The following PAX2 variants were observed in gnomAD, a reference collection of about 807,000 sequenced individuals.
The protein encoded by PAX2 is paired box protein Pax-2.
In PAX2, 9 loss-of-function variants were observed where a neutral mutation model predicts 41.7. The ratio of observed to expected loss-of-function variants is 0.22; its 90% CI spans 0.13 to 0.38. The LOEUF is 0.38. Among genes scored for constraint, PAX2 ranks in the 10% least tolerant of loss-of-function variants. The pLI is 1.00. For synonymous variants in PAX2, 221 were observed against 212.7 expected (o/e 1.04, Z -0.34); for missense variants, 418 against 531.6 (o/e 0.79, Z 2.10).
chr10:100,818,270 A>G (rs1848255456), intron 7 of PAX2, among the ~76,000 whole-genome samples: 1 of 152,216 alleles, frequency 6.6e-6, no homozygotes, highest in South Asian at 2.1e-4. Context: ...TCTATGTCTA[A>G]TAAGTCTCAT....
chr10:100,807,490 C>A (rs923063384), intron 6 of PAX2, among the ~76,000 whole-genome samples: 51 of 151,496 alleles, frequency 3.4e-4, no homozygotes, highest in Non-Finnish European at 6.2e-4. Context: ...CACTGTCCAC[C>A]TGCTCCCCCG....
At chr10:100,757,700 T>C (rs529450643) in intron 3 of PAX2, among the ~76,000 whole-genome samples, 2 of 152,306 alleles carry the variant, frequency 1.3e-5, no homozygotes, top group Admixed American at 1.3e-4. Flanking sequence ...AAGTCTTTCC[T>C]CAATCATCCA....
At chr10:100,777,008 G>A (rs2133888833) in intron 3 of PAX2, among the ~76,000 whole-genome samples, 1 of 151,962 alleles carries the variant, frequency 6.6e-6, no homozygotes, top group African/African-American at 2.4e-5. Context: ...TCTAAACCTG[G>A]TTCCTACATG....
intron 7 of PAX2, among the ~76,000 whole-genome samples, chr10:100,820,474 T>A (rs1342219315): frequency 6.6e-6 from 1 of 152,194 alleles, no homozygotes; most frequent in African/African-American, 2.4e-5. Context: ...ATCCCAGCAC[T>A]TTTGGAGGCC....
At chr10:100,739,468 C>T (rs1844879425) in intron 1 of PAX2, among the ~76,000 whole-genome samples, 2 of 152,160 alleles carry the variant, frequency 1.3e-5, no homozygotes, top group South Asian at 2.1e-4. Flanking sequence ...GGATCCGAGA[C>T]GGTAGATTTG....
chr10:100,759,257 G>A (rs914736146), intron 3 of PAX2, among the ~76,000 whole-genome samples: 8 of 152,206 alleles, frequency 5.3e-5, no homozygotes, highest in African/African-American at 1.7e-4. Flanking sequence ...AAGGAGAAAG[G>A]GGAAGAGGAA....
chr10:100,778,205 C>G (rs1035164277), intron 3 of PAX2, among the ~76,000 whole-genome samples: 1 of 152,224 alleles, frequency 6.6e-6, no homozygotes, highest in South Asian at 2.1e-4. Context: ...GGGCCCCTGC[C>G]ATGCAGCCCA....
intron 3 of PAX2, among the ~76,000 whole-genome samples, chr10:100,751,621 G>C (rs1441316392): frequency 1.3e-5 from 2 of 152,202 alleles, no homozygotes; most frequent in African/African-American, 4.8e-5. Flanking sequence ...GCACAGGGCT[G>C]AGTCAGCTTG....
In PAX2 at chr10:100,753,325, G is replaced by A. The variant is rs561194461; in HGVS notation, c.410+2434G>A. On this transcript the variant is annotated intron_variant, in intron 3 of 9. Transcript: ENST00000355243. ...GAGTTGGGGCTGGAGAAATCCACCT[G>A]GGGAACCACGCTCTCATCTTCATCC... Among the ~76,000 whole-genome samples the A allele has an allele frequency of 1.3e-3, 200 of 152,298 alleles. 1 individual carries two copies. Among genetic ancestry groups the A allele is most frequent in the African/African-American group, 4.7e-3 (195 of 41,554 alleles).
rs1272832931 is a variant in PAX2, at chr10:100,791,342, GTGTGTGTGCATGTGTA to G, written c.616+9985_616+10000del. ...ACCTTTTTCAGGAGGACTGGCTAGA[GTGTGTGTGCATGTGTA>G]TGTGTGTACATGTGTATGTGTGTGC... On this transcript the variant is annotated intron_variant, in intron 5 of 9. Transcript: ENST00000355243. The surrounding 1 kb of genome is among the most constrained non-coding windows in gnomAD (Gnocchi z 4.5). Among the ~76,000 whole-genome samples, 4 of 152,176 alleles carry G rather than the reference GTGTGTGTGCATGTGTA, an allele frequency of 2.6e-5. No homozygotes were observed. Among genetic ancestry groups the G allele is most frequent in the Non-Finnish European group, 4.4e-5 (3 of 68,030 alleles).
rs939968786 is a variant in PAX2, at chr10:100,765,865, C to T, written c.411-13633C>T. Reference sequence around the variant, plus strand: ...TAGCACACATGTGTACATGTTTATACACATACACAGGCCAATCTTATGGCT... The same window carrying T: ...TAGCACACATGTGTACATGTTTATATACATACACAGGCCAATCTTATGGCT... On this transcript the variant is annotated intron_variant, in intron 3 of 9. Transcript: ENST00000355243. 7.2e-5 allele frequency among the ~76,000 whole-genome samples: 11 copies of T among 152,316 alleles called. No homozygotes were observed. In the South Asian group the frequency reaches 2.1e-3, roughly 29 times the overall value.
intron 5 of PAX2, among the ~76,000 whole-genome samples, chr10:100,800,830 G>A (rs1418800859): frequency 6.6e-6 from 1 of 152,216 alleles, no homozygotes; most frequent in East Asian, 1.9e-4. Context: ...CTGAATGAAT[G>A]AGGAGATGAG....
intron 3 of PAX2, among the ~76,000 whole-genome samples, 182 bp downstream of exon 3, chr10:100,751,073 G>T (rs1300796188): frequency 6.6e-6 from 1 of 152,156 alleles, no homozygotes; most frequent in Non-Finnish European, 1.5e-5. Context: ...GACAGACAGG[G>T]CTGTCTGCAG....
intron 7 of PAX2, among the ~76,000 whole-genome samples, chr10:100,815,913 G>C (rs1291814763): frequency 1.3e-5 from 2 of 152,224 alleles, no homozygotes; most frequent in Admixed American, 1.3e-4. Context: ...GGGCTGCAGA[G>C]GGAGGAGCAT....
At position 100,806,479 on chromosome 10, in the gene PAX2, C is replaced by A; in HGVS notation, c.666C>A (p.Asp222Glu). Residue 222 changes from aspartate (D) to glutamate (E), a missense_variant, in exon 6 of 10, where the codon GAC becomes GAA. By Grantham distance (45) the Asp-to-Glu change is conservative. This residue lies in a region of PAX2 where 310 missense variants were observed against 325.2 expected (regional missense o/e 0.95). Transcript: ENST00000355243. ...ATGGAGATTCCCAGAGTGGTGTGGACAGTTTGCGGAAGCACTTGCGAGCTG... is the reference window on the plus strand; with the variant it reads ...ATGGAGATTCCCAGAGTGGTGTGGAAAGTTTGCGGAAGCACTTGCGAGCTG... ...VPNGDSQSGV[D>E]SLRKHLRADT... The A allele has an allele frequency of 6.2e-7, 1 of 1,614,234 alleles. No individual in the cohort carries two copies. The highest frequency in any genetic ancestry group is 1.1e-5 in the South Asian group (1 of 91,090).
intron 8 of PAX2, among the ~76,000 whole-genome samples, chr10:100,825,985 G>T (rs562307174): frequency 6.6e-6 from 1 of 152,010 alleles, no homozygotes; most frequent in African/African-American, 2.4e-5. Context: ...GGAGTCTGCA[G>T]GGAGGTGGGG....
intron 1 of PAX2, among the ~76,000 whole-genome samples, chr10:100,736,174 T>C (rs1486400036): frequency 3.3e-5 from 5 of 152,160 alleles, no homozygotes; most frequent in Non-Finnish European, 1.5e-5. Context: ...TAGGGTCTTA[T>C]GTATTCGATT....
At chr10:100,744,586 C>A (rs1279053683), upstream of PAX2, among the ~76,000 whole-genome samples, 1 of 152,232 alleles carries the variant, frequency 6.6e-6, no homozygotes, top group Admixed American at 6.5e-5. Flanking sequence ...GAGCTAGCAG[C>A]GGGCGGCGCT....
intron 4 of PAX2, among the ~76,000 whole-genome samples, chr10:100,780,991 C>A (rs1270366150): frequency 7.0e-6 from 1 of 143,120 alleles, no homozygotes; most frequent in Admixed American, 6.8e-5. Flanking sequence ...ATCCACAGGT[C>A]TGCAGAGAAG....
Sources: allele counts gnomAD v4.1 joint callset (sites outside exome capture counted in the v4.1 genomes callset), GRCh38; gene constraint gnomAD v4.1.1; regional missense constraint gnomAD v4.1.1; non-coding constraint Gnocchi (gnomAD v3.1); transcripts MANE v1.5; gene names NCBI Gene and HGNC (gene_info 2026-07-23, HGNC 2026-07-21).